The following TANC2 variants were observed in gnomAD, a reference collection of about 807,000 sequenced individuals.
TANC2 encodes protein TANC2.
In TANC2, 26 loss-of-function variants were observed where a neutral mutation model predicts 210.5. The observed-to-expected ratio is 0.12, with a 90% confidence interval of 0.09 to 0.17. The LOEUF (loss-of-function observed/expected upper bound fraction) is 0.17, where lower values mean the gene tolerates loss of function less well. Ranked by LOEUF, TANC2 falls within the 10% of genes least tolerant of loss-of-function variation. TANC2 has a pLI of 1.00. For synonymous variants in TANC2, 931 were observed against 967.1 expected, an observed-to-expected ratio of 0.96 and a Z score of 0.69; for missense variants, 2,129 against 2,608.9, an observed-to-expected ratio of 0.82 and a Z score of 4.01.
At chr17:63,279,785 C>T (rs146156017) in intron 9 of TANC2, among the ~76,000 whole-genome samples, 2 of 152,058 alleles carry the variant, frequency 1.3e-5, no homozygotes, top group African/African-American at 2.4e-5. Context: ...GGAGTCCCCC[C>T]CACCCATTTT....
In TANC2 at chr17:63,262,929, A is replaced by G. The variant is rs537141987; in HGVS notation, c.1034-4819A>G. Among the ~76,000 whole-genome samples, 4 of 152,196 alleles carry G rather than the reference A, an allele frequency of 2.6e-5. No homozygotes were observed. The East Asian group carries it at 7.7e-4, about 29-fold the overall frequency. ...TGCTGAGATAAAGATTTTTTTTAAT[A>G]CTTTTGCTACTCTTTTACTCTCTCT... is the stretch of plus-strand genomic sequence containing the variant. On this transcript the variant is annotated intron_variant, in intron 8 of 27. Coordinates refer to ENST00000689528, the Ensembl canonical transcript of TANC2.
At chr17:62,991,917 C>T (rs1483705379) in intron 1 of TANC2, among the ~76,000 whole-genome samples, 1 of 151,894 alleles carries the variant, frequency 6.6e-6, no homozygotes, top group Admixed American at 6.6e-5. Context: ...GTTTTACGCA[C>T]GGTTTCTTGT....
chr17:63,294,335 G>A (rs188343748), intron 9 of TANC2, among the ~76,000 whole-genome samples: 134 of 152,120 alleles, frequency 8.8e-4, no homozygotes, highest in African/African-American at 3.2e-3. Context: ...AAATTAGCCC[G>A]GCATGGTGGC....
intron 8 of TANC2, among the ~76,000 whole-genome samples, chr17:63,245,878 C>T (rs921269368): frequency 6.6e-5 from 10 of 150,582 alleles, no homozygotes; most frequent in African/African-American, 9.8e-5. Flanking sequence ...TGCATGGTAG[C>T]GTGCACCTGT....
chr17:63,118,810 C>T (rs971971235), intron 4 of TANC2, among the ~76,000 whole-genome samples: 6 of 143,048 alleles, frequency 4.2e-5, no homozygotes, highest in African/African-American at 1.1e-4. Flanking sequence ...GACAGAGTCT[C>T]GCTCTGTCGC....
At chr17:63,062,297 T>C (rs2036023969) in intron 2 of TANC2, among the ~76,000 whole-genome samples, 1 of 152,192 alleles carries the variant, frequency 6.6e-6, no homozygotes. Context: ...TTGTGAAGTG[T>C]TACATTGCAG....
chr17:63,407,197 T>C (rs1212621360), intron 21 of TANC2, among the ~76,000 whole-genome samples: 2 of 152,170 alleles, frequency 1.3e-5, no homozygotes, highest in African/African-American at 4.8e-5. Flanking sequence ...TTAAGTAAGA[T>C]TTTTTTCCAC....
At chr17:63,405,225 A>C (rs781566542) in exon 20 of TANC2, 2 of 1,603,084 alleles carry the variant, frequency 1.2e-6, no homozygotes, top group African/African-American at 2.7e-5. Context: ...CAGTGCCACT[A>C]TTCAGCACAG....
intron 12 of TANC2, among the ~76,000 whole-genome samples, chr17:63,350,876 GAAAA>G (rs374621938): frequency 8.2e-6 from 1 of 121,368 alleles, no homozygotes; most frequent in Non-Finnish European, 1.8e-5. Context: ...GTCAGATAGG[GAAAA>G]AAAAAAAAAA....
intron 19 of TANC2, among the ~76,000 whole-genome samples, chr17:63,399,628 C>A (rs1398837256): frequency 6.6e-6 from 1 of 152,180 alleles, no homozygotes; most frequent in East Asian, 1.9e-4. Context: ...GCAATGAAAA[C>A]TGTAGAGTAA....
chr17:63,022,393 T>A (rs1007477192), intron 2 of TANC2, among the ~76,000 whole-genome samples: 4 of 151,228 alleles, frequency 2.6e-5, no homozygotes, highest in African/African-American at 4.9e-5. Context: ...GAAATCTAAG[T>A]AGCAAAGTGC....
chr17:63,178,944 C>T (rs1442203101), intron 5 of TANC2, among the ~76,000 whole-genome samples: 1 of 152,164 alleles, frequency 6.6e-6, no homozygotes, highest in Non-Finnish European at 1.5e-5. Context: ...CACTGGCTAC[C>T]TTAAGTAGAA....
chr17:63,352,134 G>C (rs1361462924), intron 13 of TANC2, among the ~76,000 whole-genome samples: 1 of 151,908 alleles, frequency 6.6e-6, no homozygotes, highest in Non-Finnish European at 1.5e-5. Flanking sequence ...ATTCACACTT[G>C]GTTTGGAACA....
At chr17:63,278,350 A>G (rs557640267) in intron 9 of TANC2, among the ~76,000 whole-genome samples, 1 of 152,294 alleles carries the variant, frequency 6.6e-6, no homozygotes, top group South Asian at 2.1e-4. Flanking sequence ...AGACATACAA[A>G]TAGCCAATAG....
intron 2 of TANC2, among the ~76,000 whole-genome samples, chr17:63,035,400 C>A (rs2034932156): frequency 6.6e-6 from 1 of 152,184 alleles, no homozygotes; most frequent in Non-Finnish European, 1.5e-5. Flanking sequence ...TTGCGATCTT[C>A]ATTTTCTTGC....
At chr17:63,361,609 G>A (rs1385849135) in intron 14 of TANC2, among the ~76,000 whole-genome samples, 1 of 152,224 alleles carries the variant, frequency 6.6e-6, no homozygotes, top group Non-Finnish European at 1.5e-5. Context: ...GCCCAAAGAG[G>A]GTGTCACAGC....
chr17:63,377,451 G>A (rs994616692), intron 14 of TANC2, among the ~76,000 whole-genome samples: 1 of 152,098 alleles, frequency 6.6e-6, no homozygotes, highest in South Asian at 2.1e-4. Context: ...GATCTCTGGG[G>A]CAAGGGCAAA....
intron 5 of TANC2, among the ~76,000 whole-genome samples, chr17:63,170,359 C>T (rs1256783673): frequency 1.3e-5 from 2 of 151,020 alleles, no homozygotes; most frequent in Non-Finnish European, 2.9e-5. Context: ...GGCGTGAACC[C>T]GGGAGGCAGA....
At chr17:63,417,199 A>G (rs1185302625) in intron 26 of TANC2, among the ~76,000 whole-genome samples, 1 of 152,172 alleles carries the variant, frequency 6.6e-6, no homozygotes, top group African/African-American at 2.4e-5. Flanking sequence ...CTGTCTTCTT[A>G]GGTAGAGGAT....
Sources: gnomAD v4.1 joint callset for allele counts (sites outside exome capture counted in the v4.1 genomes callset) on GRCh38, gnomAD v4.1.1 for gene constraint, MANE v1.5 for transcripts, NCBI Gene and HGNC (gene_info 2026-07-23, HGNC 2026-07-21) for gene names.